SORBS2: variants seen among roughly 807,000 people sequenced by gnomAD.
SORBS2 encodes sorbin and SH3 domain-containing protein 2.
A neutral mutation model predicts 97.7 loss-of-function variants in SORBS2; 46 were observed. The ratio of observed to expected loss-of-function variants is 0.47; its 90% CI spans 0.37 to 0.60. SORBS2 has a LOEUF of 0.60. SORBS2 is among the 20% of genes least tolerant of loss of function. SORBS2 has a pLI of 0.00. For missense variants in SORBS2, 1,316 were observed against 1,282.3 expected (o/e 1.03, Z -0.40); for synonymous variants, 476 against 473.4 (o/e 1.01, Z -0.07).
chr4:185,603,849 T>A (rs1055240337), intron 12 of SORBS2, among the ~76,000 whole-genome samples: 1 of 152,230 alleles, frequency 6.6e-6, no homozygotes, highest in Non-Finnish European at 1.5e-5. Context: ...CAGAGATGGA[T>A]GCTTTGTGAA....
intron 1 of SORBS2, among the ~76,000 whole-genome samples, chr4:185,904,320 G>T (rs2099249459): frequency 1.3e-5 from 2 of 152,322 alleles, no homozygotes; most frequent in Admixed American, 6.5e-5. Context: ...AATGGGGACA[G>T]AGGCTGGGAG....
intron 4 of SORBS2, chr4:185,677,326 T>G: frequency 6.4e-7 from 1 of 1,552,384 alleles, no homozygotes; most frequent in Non-Finnish European, 8.7e-7. Context: ...GAATCTTGCC[T>G]GTAGTCCTCT....
At chr4:185,678,489 G>A in exon 4 of SORBS2, 1 of 1,550,490 alleles carries the variant, frequency 6.4e-7, no homozygotes, top group Non-Finnish European at 8.7e-7. Context: ...CTGCAAGAGA[G>A]GAATATGTAG....
intron 2 of SORBS2, among the ~76,000 whole-genome samples, chr4:185,719,083 A>T (rs373166138): frequency 6.6e-6 from 1 of 152,218 alleles, no homozygotes; most frequent in African/African-American, 2.4e-5. Context: ...TTTTAAAAAA[A>T]AATCGGTGTA....
chr4:185,712,696 G>A (rs193236316), intron 2 of SORBS2, among the ~76,000 whole-genome samples: 86 of 152,336 alleles, frequency 5.6e-4, no homozygotes, highest in African/African-American at 1.8e-3. Context: ...CATGGAGTTC[G>A]CTCCTGCCAG....
chr4:185,913,834 A>G (rs13120409), intron 1 of SORBS2, among the ~76,000 whole-genome samples: 39,444 of 152,060 alleles, frequency 0.26, 5,704 homozygotes, highest in East Asian at 0.55. Context: ...TTTGTTTTTG[A>G]GCTCTGAAGA....
At chr4:185,746,625 G>A (rs1242579952) in intron 2 of SORBS2, among the ~76,000 whole-genome samples, 2 of 152,128 alleles carry the variant, frequency 1.3e-5, no homozygotes, top group East Asian at 1.9e-4. Context: ...GCCTTATCTG[G>A]TTAGAGTTTC....
chr4:185,825,978 G>A (rs1414413901), intron 1 of SORBS2, among the ~76,000 whole-genome samples: 1 of 152,074 alleles, frequency 6.6e-6, no homozygotes, highest in Non-Finnish European at 1.5e-5. Flanking sequence ...GGTCACTCCA[G>A]GAAGTCTTTC....
At chr4:185,955,496 G>A (rs1179352662) in intron 1 of SORBS2, among the ~76,000 whole-genome samples, 2 of 152,056 alleles carry the variant, frequency 1.3e-5, no homozygotes, top group East Asian at 1.9e-4. Context: ...AGAAATAAAC[G>A]CTCCACAAAG....
At chr4:185,654,568 C>T (rs2097365301) in intron 1 of SORBS2, among the ~76,000 whole-genome samples, 1 of 151,922 alleles carries the variant, frequency 6.6e-6, no homozygotes, top group Non-Finnish European at 1.5e-5. Flanking sequence ...CACAAAGATG[C>T]CAGAAAATGC....
intron 1 of SORBS2, among the ~76,000 whole-genome samples, chr4:185,653,630 A>G (rs1024039683): frequency 6.6e-6 from 1 of 152,246 alleles, no homozygotes; most frequent in African/African-American, 2.4e-5. Context: ...AAGACCTAGA[A>G]CAATGCCTAG....
At chr4:185,758,186 T>C (rs2098842256) in intron 2 of SORBS2, among the ~76,000 whole-genome samples, 1 of 152,222 alleles carries the variant, frequency 6.6e-6, no homozygotes, top group South Asian at 2.1e-4. Context: ...TCATTTGAGT[T>C]ACACTTGACT....
chr4:185,827,411 T>C lies in SORBS2; in HGVS notation c.-337-52045A>G, dbSNP rs368601636. ...ATCATCATCATCATCATCATCATCA[T>C]CATCATCACCATCATCATCATCACC... On this transcript the variant is annotated intron_variant, in intron 1 of 20. Transcript: ENST00000284776. Among the ~76,000 whole-genome samples, 10 of 17,750 alleles carry C rather than the reference T, an allele frequency of 5.6e-4. 3 individuals carry two copies. Among genetic ancestry groups the C allele is most frequent in the Non-Finnish European group, 1.1e-3 (9 of 8,364 alleles). The allele number at this position is 17,750 out of a possible 152,430, so 11.6% of individuals were successfully genotyped here. A position where few individuals can be genotyped will look rare whatever the true frequency, so the allele number is the denominator to read the frequency against.
chr4:185,906,692 G>A (rs914022053), intron 1 of SORBS2, among the ~76,000 whole-genome samples: 14 of 152,078 alleles, frequency 9.2e-5, no homozygotes, highest in African/African-American at 1.7e-4. Context: ...TACGTATCTC[G>A]GACTATATGC....
chr4:185,652,531 A>G (rs891527957), intron 2 of SORBS2, 131 bp downstream of exon 10: 6 of 729,976 alleles, frequency 8.2e-6, no homozygotes, highest in Non-Finnish European at 1.5e-5. Flanking sequence ...AACAGGAGGC[A>G]TGCTGAAAAG....
chr4:185,701,215 G>A (rs1163423389), intron 2 of SORBS2, among the ~76,000 whole-genome samples: 1 of 152,110 alleles, frequency 6.6e-6, no homozygotes, highest in Non-Finnish European at 1.5e-5. Context: ...TGCCACTCTT[G>A]GAAAAGCAGA....
At chr4:185,793,672 C>A (rs956204533) in intron 1 of SORBS2, among the ~76,000 whole-genome samples, 1 of 152,074 alleles carries the variant, frequency 6.6e-6, no homozygotes, top group South Asian at 2.1e-4. Context: ...CAAAACAAAG[C>A]GTGTCTGGGC....
intron 1 of SORBS2, among the ~76,000 whole-genome samples, chr4:185,800,153 C>G (rs2099123353): frequency 6.6e-6 from 1 of 152,104 alleles, no homozygotes; most frequent in Non-Finnish European, 1.5e-5. Context: ...CAAGATCATG[C>G]CACTGCACTT....
chr4:185,914,827 T>G (rs1307098408), intron 1 of SORBS2, among the ~76,000 whole-genome samples: 1 of 152,232 alleles, frequency 6.6e-6, no homozygotes, highest in African/African-American at 2.4e-5. Flanking sequence ...CAGTCACAAC[T>G]CATTTATTAT....
Sources: allele counts gnomAD v4.1 joint callset (sites outside exome capture counted in the v4.1 genomes callset), GRCh38; gene constraint gnomAD v4.1.1; transcripts MANE v1.5; gene names NCBI Gene and HGNC (gene_info 2026-07-23, HGNC 2026-07-21).